ZNF385D: variants seen among roughly 807,000 people sequenced by gnomAD.
The protein encoded by ZNF385D is zinc finger protein 385D.
Under a neutral mutation model 35.8 loss-of-function variants are expected in ZNF385D, and 15 were observed. The observed-to-expected ratio is 0.42, with a 90% CI of 0.28 to 0.64. ZNF385D has a LOEUF of 0.64. ZNF385D is among the 30% of genes least tolerant of loss of function. The pLI is 0.23. For missense variants in ZNF385D, 474 were observed against 494.6 expected (o/e 0.96, Z 0.39); for synonymous variants, 212 against 186.8 (o/e 1.13, Z -1.10).
chr3:21,860,829 A>G (rs1697008655), intron 3 of ZNF385D, among the ~76,000 whole-genome samples: 1 of 152,118 alleles, frequency 6.6e-6, no homozygotes. Flanking sequence ...TAGCAACTCC[A>G]CCAGAGTCTC....
chr3:21,613,153 C>T (rs1165019956), intron 2 of ZNF385D, among the ~76,000 whole-genome samples: 1 of 151,918 alleles, frequency 6.6e-6, no homozygotes, highest in Non-Finnish European at 1.5e-5. Context: ...GAAGTTATTT[C>T]TGTAACAGCA....
At chr3:21,877,259 A>C (rs1204337818) in intron 3 of ZNF385D, among the ~76,000 whole-genome samples, 1 of 152,068 alleles carries the variant, frequency 6.6e-6, no homozygotes, top group Non-Finnish European at 1.5e-5. Flanking sequence ...GAAACTGAGC[A>C]CCAACCCAGC....
chr3:21,468,179 C>T (rs1038966905), intron 4 of ZNF385D, among the ~76,000 whole-genome samples: 7 of 151,610 alleles, frequency 4.6e-5, no homozygotes, highest in African/African-American at 1.2e-4. Flanking sequence ...CTGAGGCGGG[C>T]GGATCACAAG....
chr3:21,940,049 T>A (rs1052013220), intron 3 of ZNF385D, among the ~76,000 whole-genome samples: 2 of 152,218 alleles, frequency 1.3e-5, no homozygotes, highest in African/African-American at 4.8e-5. Context: ...CTCACTTCTT[T>A]CCAGTTCTTT....
At chr3:21,609,625 G>A (rs781411057) in intron 2 of ZNF385D, among the ~76,000 whole-genome samples, 2 of 152,148 alleles carry the variant, frequency 1.3e-5, no homozygotes, top group Non-Finnish European at 2.9e-5. Flanking sequence ...GAATTATGCT[G>A]AGCCTTATGG....
chr3:21,551,935 A>G (rs2125600157), intron 3 of ZNF385D, among the ~76,000 whole-genome samples: 1 of 152,302 alleles, frequency 6.6e-6, no homozygotes, highest in African/African-American at 2.4e-5. Context: ...AAAAGTTTAG[A>G]GGGAAAGGAA....
chr3:21,436,790 C>T (rs777130216), intron 5 of ZNF385D, 180 bp downstream of exon 5: 46 of 629,558 alleles, frequency 7.3e-5, no homozygotes, highest in Middle Eastern at 8.6e-4. Flanking sequence ...GGAAACCACC[C>T]CTTGCCCCTA....
intron 3 of ZNF385D, among the ~76,000 whole-genome samples, chr3:22,001,334 G>GT (rs61181624): frequency 0.65 from 98,987 of 151,576 alleles, 33,521 homozygotes; most frequent in African/African-American, 0.81. Context: ...ACAAGCAGGA[G>GT]ATACTAGTAT....
In ZNF385D at chr3:21,799,882, T is replaced by C. The variant is rs568787187; in HGVS notation, c.326-134854A>G. ...TTTTCTTCTAAGAGTTTTATAACTT[T>C]AGAATGCACATAGAGGCCTTTGATC... On this transcript the variant is annotated intron_variant, in intron 3 of 5. Transcript: ENST00000494108. 1.4e-4 allele frequency among the ~76,000 whole-genome samples: 22 copies of C among 152,272 alleles called. 1 individual carries two copies. Among genetic ancestry groups the C allele is most frequent in the African/African-American group, 4.1e-4 (17 of 41,576 alleles).
intron 3 of ZNF385D, among the ~76,000 whole-genome samples, chr3:21,513,854 A>G (rs532138690): frequency 1.3e-5 from 2 of 152,170 alleles, no homozygotes; most frequent in African/African-American, 4.8e-5. Context: ...ATAACTCTAG[A>G]TCTACCTTGA....
intron 3 of ZNF385D, among the ~76,000 whole-genome samples, chr3:22,136,187 C>A (rs147840222): frequency 1.1e-3 from 175 of 152,220 alleles, no homozygotes; most frequent in African/African-American, 4.0e-3. Flanking sequence ...AGTTTGAGAC[C>A]AGCCTGGGAA....
chr3:21,485,056 G>A (rs886534877), intron 4 of ZNF385D, among the ~76,000 whole-genome samples: 2 of 152,098 alleles, frequency 1.3e-5, no homozygotes, highest in Admixed American at 1.3e-4. Flanking sequence ...TGGCTTATGT[G>A]TTCTGTCCAG....
intron 3 of ZNF385D, among the ~76,000 whole-genome samples, chr3:21,807,995 T>A (rs575109218): frequency 2.0e-5 from 3 of 152,220 alleles, no homozygotes; most frequent in Admixed American, 6.5e-5. Context: ...TAACCTCATG[T>A]ATGACCAAAT....
chr3:21,829,159 G>C (rs951011324), intron 3 of ZNF385D, among the ~76,000 whole-genome samples: 2 of 152,120 alleles, frequency 1.3e-5, no homozygotes, highest in South Asian at 2.1e-4. Flanking sequence ...ACCTTTTCCA[G>C]GGATGACAAT....
chr3:21,558,853 A>G (rs1291089390), intron 3 of ZNF385D, among the ~76,000 whole-genome samples: 1 of 152,080 alleles, frequency 6.6e-6, no homozygotes, highest in African/African-American at 2.4e-5. Context: ...TAATTCGGAT[A>G]GTTAGCATAT....
chr3:21,744,942 G>C (rs914559543), intron 1 of ZNF385D, among the ~76,000 whole-genome samples: 1 of 152,090 alleles, frequency 6.6e-6, no homozygotes, highest in African/African-American at 2.4e-5. Flanking sequence ...AGCTTTCATA[G>C]GGAATATCAG....
At chr3:21,495,308 C>T (rs1705747273) in intron 4 of ZNF385D, among the ~76,000 whole-genome samples, 1 of 151,402 alleles carries the variant, frequency 6.6e-6, no homozygotes, top group Non-Finnish European at 1.5e-5. Flanking sequence ...TTACCTAATT[C>T]TACTAGAGAG....
intron 1 of ZNF385D, among the ~76,000 whole-genome samples, chr3:21,681,298 TAAAAAAAAAAA>T (rs55872870): frequency 0.011 from 705 of 64,488 alleles, 24 homozygotes; most frequent in African/African-American, 0.037. Context: ...ATTCCATCAG[TAAAAAAAAAAA>T]AAAAAAAAAA....
intron 2 of ZNF385D, among the ~76,000 whole-genome samples, chr3:22,312,030 C>T (rs17302621): frequency 0.53 from 79,891 of 151,878 alleles, 21,434 homozygotes; most frequent in South Asian, 0.65. Context: ...CCGAATCGAC[C>T]ACCACTTTGG....
Sources: allele counts gnomAD v4.1 joint callset (sites outside exome capture counted in the v4.1 genomes callset), GRCh38; gene constraint gnomAD v4.1.1; transcripts MANE v1.5; gene names NCBI Gene and HGNC (gene_info 2026-07-23, HGNC 2026-07-21).